Variants in CDH13 observed in about 807,000 individuals in gnomAD.
CDH13 encodes the protein cadherin 13.
In CDH13, 24 loss-of-function variants were observed where a neutral mutation model predicts 63.8. That is an observed-to-expected ratio of 0.38 (90% confidence interval 0.27 to 0.53). The LOEUF is 0.53. Ranked by LOEUF, CDH13 falls within the 20% of genes least tolerant of loss-of-function variation. The probability of loss-of-function intolerance (pLI) is 0.85; values close to 1 mark genes in which losing one functional copy is unlikely to be tolerated. For missense variants in CDH13, 1,049 were observed against 903.1 expected (o/e 1.16, Z -2.07); for synonymous variants, 503 against 355.3 (o/e 1.42, Z -4.67).
chr16:82,918,764 C>T (rs936593975), intron 2 of CDH13, among the ~76,000 whole-genome samples: 2 of 152,090 alleles, frequency 1.3e-5, no homozygotes, highest in Non-Finnish European at 2.9e-5. Context: ...CTACCTCAAC[C>T]CCCCGACAAA....
chr16:82,902,607 G>GTGCTTCTT lies in CDH13; in HGVS notation c.157+44140_157+44147dup, dbSNP rs549380958. ...ACCTCCCCCACCCCTCTTTTCTCAC[G>GTGCTTCTT]TGCTTCTTTGCTTGGCCCCCTACAA... On this transcript the variant is annotated intron_variant, in intron 2 of 13. Coordinates refer to ENST00000567109, the MANE Select transcript of CDH13 (RefSeq NM_001257.5). 4.8e-3 allele frequency among the ~76,000 whole-genome samples: 710 copies of GTGCTTCTT among 147,300 alleles called. 1 individual carries two copies. Among genetic ancestry groups the GTGCTTCTT allele is most frequent in the African/African-American group, 0.017 (677 of 39,674 alleles).
At chr16:83,525,128 C>T (rs1027393734) in intron 7 of CDH13, among the ~76,000 whole-genome samples, 1 of 152,140 alleles carries the variant, frequency 6.6e-6, no homozygotes, top group Non-Finnish European at 1.5e-5. Flanking sequence ...TTATAGCAAC[C>T]CCAGGGACAG....
intron 4 of CDH13, among the ~76,000 whole-genome samples, chr16:83,184,631 T>G (rs2038456693): frequency 6.6e-6 from 1 of 152,144 alleles, no homozygotes; most frequent in African/African-American, 2.4e-5. Context: ...GGTGCACGCC[T>G]GTAGTCCCAG....
At chr16:83,661,919 C>T (rs1329718526) in intron 8 of CDH13, among the ~76,000 whole-genome samples, 1 of 152,216 alleles carries the variant, frequency 6.6e-6, no homozygotes, top group Non-Finnish European at 1.5e-5. Context: ...TCCCCAGCAC[C>T]TGTAGAGCCA....
intron 7 of CDH13, among the ~76,000 whole-genome samples, chr16:83,491,524 A>T (rs1177122545): frequency 1.3e-5 from 2 of 151,738 alleles, no homozygotes; most frequent in Non-Finnish European, 2.9e-5. Flanking sequence ...AGCTTTCTGA[A>T]CACAGCCACA....
In CDH13 at chr16:83,216,397, A is replaced by AATATATATATATAT. The variant is rs1158270310; in HGVS notation, c.484-914_484-901dup. ...TAATGTCCTCTGCCTCCAGCATTGA[A>AATATATATATATAT]ATATATATATATATATATATATATA... On this transcript the variant is annotated intron_variant, in intron 4 of 13. Transcript: ENST00000567109. Among the ~76,000 whole-genome samples the AATATATATATATAT allele has an allele frequency of 1.9e-3, 31 of 16,088 alleles. 3 individuals are homozygous for AATATATATATATAT. The highest frequency in any genetic ancestry group is 4.3e-3 in the Non-Finnish European group (26 of 6,026). 10.6% of individuals were successfully genotyped at this position (16,088 alleles called of 152,430 possible). A position where few individuals can be genotyped will look rare whatever the true frequency, so the allele number is the denominator to read the frequency against.
chr16:83,186,223 C>T (rs1303134819), intron 4 of CDH13, among the ~76,000 whole-genome samples: 3 of 151,788 alleles, frequency 2.0e-5, no homozygotes, highest in African/African-American at 4.8e-5. Flanking sequence ...CAGCCAACCT[C>T]CGCCTCCTGG....
intron 1 of CDH13, among the ~76,000 whole-genome samples, chr16:82,712,650 G>T (rs925017572): frequency 1.3e-5 from 2 of 152,178 alleles, no homozygotes; most frequent in Non-Finnish European, 2.9e-5. Flanking sequence ...CTACATAAAT[G>T]TTTAATTCCC....
intron 6 of CDH13, among the ~76,000 whole-genome samples, chr16:83,426,290 C>T (rs2071893094): frequency 6.6e-6 from 1 of 152,186 alleles, no homozygotes. Flanking sequence ...TGAGTGATTT[C>T]TGCATCCGAT....
intron 7 of CDH13, among the ~76,000 whole-genome samples, chr16:83,503,581 G>C (rs1000316201): frequency 1.3e-5 from 2 of 152,146 alleles, no homozygotes; most frequent in Admixed American, 1.3e-4. Context: ...GGAGGAAAAG[G>C]GAAGGGGCAG....
chr16:83,372,658 AG>A (rs1187325951), intron 6 of CDH13, among the ~76,000 whole-genome samples: 2 of 149,584 alleles, frequency 1.3e-5, no homozygotes, highest in African/African-American at 4.9e-5. Flanking sequence ...AGGCTGAAGC[AG>A]GAGAATGGCT....
chr16:83,622,929 G>T (rs1233552330), intron 8 of CDH13, among the ~76,000 whole-genome samples: 4 of 152,224 alleles, frequency 2.6e-5, no homozygotes, highest in Non-Finnish European at 5.9e-5. Context: ...TTGCTTTCAT[G>T]AGGCTTAGCA....
At chr16:82,983,473 CCTTT>C (rs1490640147) in intron 2 of CDH13, among the ~76,000 whole-genome samples, 1 of 152,140 alleles carries the variant, frequency 6.6e-6, no homozygotes, top group Non-Finnish European at 1.5e-5. Flanking sequence ...AAGCCCACTT[CCTTT>C]GAGTTCCCTG....
chr16:83,088,984 T>A (rs1303817050), intron 3 of CDH13, among the ~76,000 whole-genome samples: 1 of 152,222 alleles, frequency 6.6e-6, no homozygotes, highest in African/African-American at 2.4e-5. Flanking sequence ...AAGGGCAGAA[T>A]TGAGTAGTTG....
At chr16:83,176,709 G>C (rs1016980005) in intron 4 of CDH13, among the ~76,000 whole-genome samples, 5 of 151,984 alleles carry the variant, frequency 3.3e-5, no homozygotes, top group African/African-American at 1.2e-4. Context: ...AAAGGGGGTT[G>C]GGGTGGGTAT....
chr16:82,836,259 C>G (rs2038763461), intron 1 of CDH13, among the ~76,000 whole-genome samples: 1 of 152,130 alleles, frequency 6.6e-6, no homozygotes, highest in African/African-American at 2.4e-5. Flanking sequence ...AGCGATTCTC[C>G]TCCCTTAGCT....
intron 6 of CDH13, among the ~76,000 whole-genome samples, chr16:83,485,269 C>G (rs2073860268): frequency 6.6e-6 from 1 of 152,154 alleles, no homozygotes; most frequent in Non-Finnish European, 1.5e-5. Context: ...AAGTAGATGC[C>G]AAGGAGGCGA....
At chr16:82,668,583 G>T (rs1912881948) in intron 1 of CDH13, among the ~76,000 whole-genome samples, 1 of 152,278 alleles carries the variant, frequency 6.6e-6, no homozygotes, top group Admixed American at 6.5e-5. Context: ...ACCTGAGATG[G>T]TGTGAACAAT....
intron 1 of CDH13, among the ~76,000 whole-genome samples, chr16:82,702,128 G>A (rs2031079855): frequency 6.6e-6 from 1 of 152,108 alleles, no homozygotes; most frequent in South Asian, 2.1e-4. Flanking sequence ...CTCCTTTTCT[G>A]TGTGTGCTGC....
Sources: allele counts gnomAD v4.1 joint callset (sites outside exome capture counted in the v4.1 genomes callset), GRCh38; gene constraint gnomAD v4.1.1; transcripts MANE v1.5; gene names NCBI Gene and HGNC (gene_info 2026-07-23, HGNC 2026-07-21).